The following PCDH1 variants were observed in gnomAD, a reference collection of about 807,000 sequenced individuals.
PCDH1 encodes the protein protocadherin-1.
A neutral mutation model predicts 74.6 loss-of-function variants in PCDH1; 23 were observed. That is an observed-to-expected ratio of 0.31 (90% CI 0.22 to 0.44). The LOEUF is 0.44. Ranked by LOEUF, PCDH1 falls within the 20% of genes least tolerant of loss-of-function variation. The probability of loss-of-function intolerance (pLI) is 1.00; values close to 1 mark genes in which losing one functional copy is unlikely to be tolerated. For synonymous variants in PCDH1, 647 were observed against 686.1 expected, an observed-to-expected ratio of 0.94 and a Z score of 0.89; for missense variants, 1,214 against 1,641.4, an observed-to-expected ratio of 0.74 and a Z score of 4.50.
rs1202818966 is a variant in PCDH1 at position 141,878,375 on chromosome 5, T to C, written c.-113A>G. 6.4e-6 allele frequency: 5 copies of C among 783,776 alleles called. No individual in the cohort carries two copies. Among genetic ancestry groups the C allele is most frequent in the Non-Finnish European group, 8.3e-6 (5 of 605,282 alleles). 48.6% of individuals were successfully genotyped at this position (783,776 alleles called of 1,614,324 possible). On this transcript the variant is annotated 5_prime_UTR_variant, in exon 1 of 5. Transcript: ENST00000287008. The surrounding 1 kb of genome is among the most constrained non-coding windows in gnomAD (Gnocchi z 5.5). ...CTCTGGGCGCAGCAGCCCGGCGGCT[T>C]TGCGTCCGCGCCGCGCTCCCGCTCC...
In PCDH1 at chr5:141,857,430, G is replaced by C; in HGVS notation, c.3141C>G (p.Ala1047=). 1 of 1,613,944 alleles carries C rather than the reference G, an allele frequency of 6.2e-7. No individual in the cohort carries two copies. The highest frequency in any genetic ancestry group is 8.5e-7 in the Non-Finnish European group (1 of 1,179,916). The change falls in exon 4 of 5, where the codon GCC becomes GCG. Residue 1047 remains alanine, a synonymous_variant. Coordinates refer to ENST00000287008, the MANE Select transcript of PCDH1 (RefSeq NM_032420.5). ...RRVTFSATSQ[A]QELQDPSQHS... is the part of the protein sequence containing the mutation. ...GCTGGGATGGGTCCTGCAGCTCCTGGGCCTGGCTGGTGGCCGAGAAGGTGA... is the reference window on the plus strand; with the variant it reads ...GCTGGGATGGGTCCTGCAGCTCCTGCGCCTGGCTGGTGGCCGAGAAGGTGA...
chr5:141,853,920 C>A lies in PCDH1; in HGVS notation c.*122G>T, dbSNP rs999845195. The A allele has an allele frequency of 2.1e-5, 18 of 857,322 alleles. No individual in the cohort carries two copies. The highest frequency in any genetic ancestry group is 1.0e-4 in the African/African-American group (6 of 59,016). 53.1% of individuals were successfully genotyped at this position (857,322 alleles called of 1,614,324 possible). ...CAGCGTGGTCATGAGGTCAGTGATA[C>A]CCCCACTTGGGGCCCTGGCCAGGAA... is the stretch of plus-strand genomic sequence containing the variant. On this transcript the variant is annotated 3_prime_UTR_variant, in exon 5 of 5. Transcript: ENST00000287008.
intron 4 of PCDH1, among the ~76,000 whole-genome samples, chr5:141,856,421 C>A (rs1331729063): frequency 6.6e-6 from 1 of 152,072 alleles, no homozygotes; most frequent in Admixed American, 6.5e-5. Flanking sequence ...TGAAACCTCC[C>A]ATCTTTTGTG....
chr5:141,871,448 A>G (rs1478565566), intron 1 of PCDH1, among the ~76,000 whole-genome samples: 3 of 152,236 alleles, frequency 2.0e-5, no homozygotes, highest in Non-Finnish European at 4.4e-5. Flanking sequence ...GGGTTGTGGC[A>G]TTAGACAGTC....
intron 1 of PCDH1, among the ~76,000 whole-genome samples, chr5:141,873,113 G>A (rs1400416234): frequency 6.6e-6 from 1 of 152,016 alleles, no homozygotes; most frequent in Non-Finnish European, 1.5e-5. Context: ...TTAAGAAAGA[G>A]CCTGAGGTCC....
At position 141,863,512 on chromosome 5, in the gene PCDH1, T is replaced by A; in HGVS notation, c.2819A>T (p.Asn940Ile). Residue 940 changes from asparagine (N) to isoleucine (I), a missense_variant, in exon 3 of 5, where the codon AAC (asparagine) becomes ATC (isoleucine). Physicochemically the swap from Asn to Ile is moderately radical, Grantham distance 149 (BLOSUM62 -3). Around this residue, in one of 4 missense-constraint regions of PCDH1, gnomAD observed 836 missense variants for 1,182.2 expected, o/e 0.71. Transcript: ENST00000287008. The surrounding 1 kb of genome is among the most constrained non-coding windows in gnomAD (Gnocchi z 7.5). ...GTCCCCAGGGGCATCGCTCATCAGG[T>A]TGAACTTGAGGGACTTCTGCAGCCC... ...EAGLQKSLKFNLMSDAPGDSP... is the reference protein window; with the variant it reads ...EAGLQKSLKFILMSDAPGDSP... The A allele has an allele frequency of 6.2e-7, 1 of 1,613,464 alleles. No individual in the cohort carries two copies. Among genetic ancestry groups the A allele is most frequent in the Non-Finnish European group, 8.5e-7 (1 of 1,179,692 alleles).
chr5:141,863,328 G>A lies in PCDH1; in HGVS notation c.3003C>T (p.Asn1001=), dbSNP rs202069464. 101 of 1,547,764 alleles carry A rather than the reference G, an allele frequency of 6.5e-5. No homozygotes were observed. In the East Asian group the frequency reaches 2.2e-3, roughly 33 times the overall value. Reference sequence around the variant, plus strand: ...TGGTGTCCCCGGTGCCCACGAATGTGTTTGCAGGTGGCAGGTCCTGTACCA... The same window carrying A: ...TGGTGTCCCCGGTGCCCACGAATGTATTTGCAGGTGGCAGGTCCTGTACCA... ...HQVVQDLPPA[N]TFVGTGDTTS... Residue 1001 remains asparagine (N), a synonymous_variant, in exon 3 of 5, where the codon AAC becomes AAT. Transcript: ENST00000287008. This position sits in a 1 kb window ranked among gnomAD's most constrained non-coding sequence, Gnocchi z 7.5.
rs965871001 is a variant in PCDH1 at position 141,878,325 on chromosome 5, GGGCTCCGGCTCC to G, written c.-75_-64del. On this transcript the variant is annotated 5_prime_UTR_variant, in exon 1 of 5. Coordinates refer to ENST00000287008, the MANE Select transcript of PCDH1 (RefSeq NM_032420.5). This position sits in a 1 kb window ranked among gnomAD's most constrained non-coding sequence, Gnocchi z 5.5. The stretch of plus-strand genomic sequence containing the variant: ...ACGGCTGGGGCTGGAGCTGCAGTTC[GGGCTCCGGCTCC>G]GGCTCCGGCTGGCTCTGGGCGCAGC... 18 of 1,153,962 alleles carry G rather than the reference GGGCTCCGGCTCC, an allele frequency of 1.6e-5. No homozygotes were observed. The highest frequency in any genetic ancestry group is 4.1e-5 in the South Asian group (1 of 24,594). 71.5% of individuals were successfully genotyped at this position (1,153,962 alleles called of 1,614,324 possible). A position where few individuals can be genotyped will look rare whatever the true frequency, so the allele number is the denominator to read the frequency against.
Position 141,863,636 on chromosome 5 carries a change from G to A in PCDH1, c.2695C>T (p.Pro899Ser). 1 of 1,614,146 alleles carries A rather than the reference G, an allele frequency of 6.2e-7. No homozygotes were observed. Among genetic ancestry groups the A allele is most frequent in the Non-Finnish European group, 8.5e-7 (1 of 1,180,016 alleles). Residue 899 changes from proline (P) to serine (S), a missense_variant, in exon 3 of 5, where the codon CCC (proline) becomes TCC (serine). Around this residue, in one of 4 missense-constraint regions of PCDH1, gnomAD observed 836 missense variants for 1,182.2 expected, o/e 0.71. Transcript: ENST00000287008. This position sits in a 1 kb window ranked among gnomAD's most constrained non-coding sequence, Gnocchi z 7.5. ...GKKETKDLYA[P>S]KPSGKASKGN... ...TTGGAGGCCTTGCCACTGGGCTTGG[G>A]GGCATACAGGTCCTTGGTCTCCTTC...
chr5:141,860,044 G>A lies in PCDH1; in HGVS notation c.3100-2573C>T, dbSNP rs370905504. 7.8e-4 allele frequency among the ~76,000 whole-genome samples: 119 copies of A among 152,122 alleles called. 1 individual carries two copies. Among genetic ancestry groups the A allele is most frequent in the African/African-American group, 2.7e-3 (113 of 41,472 alleles). ...TTCTGCCGCAGGAGTTTGCTTACACGGTGACCCTGTGAGGAGGCAGGGGAC... is the reference window on the plus strand; with the variant it reads ...TTCTGCCGCAGGAGTTTGCTTACACAGTGACCCTGTGAGGAGGCAGGGGAC... On this transcript the variant is annotated intron_variant, in intron 3 of 4. Coordinates refer to ENST00000287008, the MANE Select transcript of PCDH1 (RefSeq NM_032420.5).
At chr5:141,866,563 G>A (rs1752847618) in intron 2 of PCDH1, among the ~76,000 whole-genome samples, 1 of 152,146 alleles carries the variant, frequency 6.6e-6, no homozygotes, top group South Asian at 2.1e-4. Context: ...AGCATAACTT[G>A]GCAGAGTCTC....
At position 141,866,052 on chromosome 5, in the gene PCDH1, A is replaced by G; in HGVS notation, c.904-625T>C. 3.0e-6 allele frequency: 3 copies of G among 986,548 alleles called. No individual in the cohort carries two copies. In the South Asian group the frequency reaches 1.4e-4, roughly 46 times the overall value. 61.1% of individuals were successfully genotyped at this position (986,548 alleles called of 1,614,324 possible). On this transcript the variant is annotated intron_variant, in intron 2 of 4. Transcript: ENST00000287008. Reference sequence around the variant, plus strand: ...TGTGTTTGTGCATATGTGTGTTTGCACACATGAGTAAAGACTCACATGCCC... The same window carrying G: ...TGTGTTTGTGCATATGTGTGTTTGCGCACATGAGTAAAGACTCACATGCCC...
At position 141,878,198 on chromosome 5, in the gene PCDH1, G is replaced by C; in HGVS notation, c.40+25C>G. ...CCGCTTCGGGCCCCAAGCCGCTGCT[G>C]CCTCCACCGCCGCCGGATCCTTACC... On this transcript the variant is annotated intron_variant, in intron 1 of 4. Coordinates refer to ENST00000287008, the MANE Select transcript of PCDH1 (RefSeq NM_032420.5). This position sits in a 1 kb window ranked among gnomAD's most constrained non-coding sequence, Gnocchi z 5.5. The C allele has an allele frequency of 7.0e-7, 1 of 1,430,326 alleles. No individual in the cohort carries two copies. Among genetic ancestry groups the C allele is most frequent in the Non-Finnish European group, 9.1e-7 (1 of 1,093,884 alleles). The allele number at this position is 1,430,326 out of a possible 1,614,324, so 88.6% of individuals were successfully genotyped here.
rs1304889610 is a variant in PCDH1, at chr5:141,869,753, T to A, written c.41-322A>T. 1 of 985,340 alleles carries A rather than the reference T, an allele frequency of 1.0e-6. No homozygotes were observed. Among genetic ancestry groups the A allele is most frequent in the Admixed American group, 6.1e-5 (1 of 16,276 alleles). 61.0% of individuals were successfully genotyped at this position (985,340 alleles called of 1,614,324 possible). A position where few individuals can be genotyped will look rare whatever the true frequency, so the allele number is the denominator to read the frequency against. ...CCGGCTGCCCGCCCTCTTTCCTTCT[T>A]TTCCTCCTTGCTCTCTGCTCTGTGC... On this transcript the variant is annotated intron_variant, in intron 1 of 4. Transcript: ENST00000287008. This position sits in a 1 kb window ranked among gnomAD's most constrained non-coding sequence, Gnocchi z 4.9.
rs1032821144 is a variant in PCDH1 at position 141,854,583 on chromosome 5, C to T, written c.3320-147G>A. The T allele has an allele frequency of 1.1e-5, 8 of 749,814 alleles. No homozygotes were observed. The African/African-American group carries it at 1.2e-4, about 12-fold the overall frequency. 46.4% of individuals were successfully genotyped at this position (749,814 alleles called of 1,614,324 possible). A position where few individuals can be genotyped will look rare whatever the true frequency, so the allele number is the denominator to read the frequency against. ...CGCTGAACTCACAGGCACACACACC[C>T]TCAAAGAGACACATGCCCTCCCACC... On this transcript the variant is annotated intron_variant, in intron 4 of 4. Transcript: ENST00000287008.
In PCDH1 at chr5:141,864,378, C is replaced by T. The variant is rs778778058; in HGVS notation, c.1953G>A (p.Val651=). ...KGENAQVQLS[V]EQDNGDFVIQ... ...TAACAAAGTCACCGTTGTCCTGCTC[C>T]ACTGAGAGCTGCACCTGGGCATTCT... Residue 651 remains valine, a synonymous_variant, in exon 3 of 5, where the codon GTG becomes GTA. Coordinates refer to ENST00000287008, the MANE Select transcript of PCDH1 (RefSeq NM_032420.5). The surrounding 1 kb of genome is among the most constrained non-coding windows in gnomAD (Gnocchi z 5.9). The T allele has an allele frequency of 6.2e-7, 1 of 1,614,070 alleles. No homozygotes were observed. The highest frequency in any genetic ancestry group is 1.1e-5 in the South Asian group (1 of 91,080).
In PCDH1 at chr5:141,878,331, C is replaced by G. The variant is rs1753296127; in HGVS notation, c.-69G>C. 1 of 1,092,816 alleles carries G rather than the reference C, an allele frequency of 9.2e-7. No homozygotes were observed. The highest frequency in any genetic ancestry group is 1.1e-6 in the Non-Finnish European group (1 of 875,560). The allele number at this position is 1,092,816 out of a possible 1,614,324, so 67.7% of individuals were successfully genotyped here. On this transcript the variant is annotated 5_prime_UTR_variant, in exon 1 of 5. Transcript: ENST00000287008. The surrounding 1 kb of genome is among the most constrained non-coding windows in gnomAD (Gnocchi z 5.5). ...GGGGCTGGAGCTGCAGTTCGGGCTC[C>G]GGCTCCGGCTCCGGCTGGCTCTGGG...
At position 141,854,123 on chromosome 5, in the gene PCDH1, G is replaced by A. The variant is rs958851464; in HGVS notation, c.3633C>T (p.Ile1211=). Reference sequence around the variant, plus strand: ...GGAAGTCCGAGGTCTGGGTCAGGGGGATTTCCTCCAAGGTGGCCGAGTCCT... The same window carrying A: ...GGAAGTCCGAGGTCTGGGTCAGGGGAATTTCCTCCAAGGTGGCCGAGTCCT... ...SCKDSATLEE[I]PLTQTSDFPP... Residue 1211 remains isoleucine (I), a synonymous_variant, in exon 5 of 5, where the codon ATC becomes ATT. Coordinates refer to ENST00000287008, the MANE Select transcript of PCDH1 (RefSeq NM_032420.5). 2.8e-5 allele frequency: 45 copies of A among 1,587,212 alleles called. No homozygotes were observed. The highest frequency in any genetic ancestry group is 3.5e-5 in the Non-Finnish European group (41 of 1,164,356).
At chr5:141,859,634 C>T (rs1427539864) in intron 3 of PCDH1, among the ~76,000 whole-genome samples, 1 of 152,098 alleles carries the variant, frequency 6.6e-6, no homozygotes, top group Non-Finnish European at 1.5e-5. Flanking sequence ...ATCCTGGTAG[C>T]TCTCCCCTCA....
Sources: gnomAD v4.1 joint callset for allele counts (sites outside exome capture counted in the v4.1 genomes callset) on GRCh38, gnomAD v4.1.1 for gene constraint, gnomAD v4.1.1 regional missense constraint, Gnocchi (gnomAD v3.1) non-coding constraint, MANE v1.5 for transcripts, NCBI Gene and HGNC (gene_info 2026-07-23, HGNC 2026-07-21) for gene names.